Variants in SLCO6A1 observed in about 807,000 individuals in gnomAD.
The protein encoded by SLCO6A1 is cancer/testis antigen 48.
Under a neutral mutation model 72.7 loss-of-function variants are expected in SLCO6A1, and 65 were observed. That is an observed-to-expected ratio of 0.89 (90% confidence interval 0.73 to 1.10). The LOEUF is 1.10. SLCO6A1 is among the 50% of genes least tolerant of loss of function. The probability of loss-of-function intolerance (pLI) is 0.00; values close to 1 mark genes in which losing one functional copy is unlikely to be tolerated. For synonymous variants in SLCO6A1, 314 were observed against 298.2 expected, an observed-to-expected ratio of 1.05 and a Z score of -0.55; for missense variants, 874 against 872.6, an observed-to-expected ratio of 1.00 and a Z score of -0.02.
intron 7 of SLCO6A1, among the ~76,000 whole-genome samples, chr5:102,435,345 T>C (rs1304691172): frequency 1.3e-5 from 2 of 152,138 alleles, no homozygotes; most frequent in East Asian, 3.8e-4. Context: ...TTTCTAAATA[T>C]ATAATTAGTA....
intron 7 of SLCO6A1, among the ~76,000 whole-genome samples, chr5:102,438,154 T>C (rs551903110): frequency 6.6e-6 from 1 of 151,966 alleles, no homozygotes; most frequent in Non-Finnish European, 1.5e-5. Context: ...AATAGTATAC[T>C]CATAAAATAG....
At chr5:102,411,510 C>T (rs1219737782) in intron 9 of SLCO6A1, among the ~76,000 whole-genome samples, 1 of 152,056 alleles carries the variant, frequency 6.6e-6, no homozygotes, top group Non-Finnish European at 1.5e-5. Flanking sequence ...AGTGATCCAC[C>T]CTTTTAGGCC....
rs1748039128 is a variant in SLCO6A1, at chr5:102,412,473, T to C, written c.1626+517A>G. Reference sequence around the variant, plus strand: ...TATTGTGGCAATATAAAACAAATTTTTGCCAGGCACGGTGACTCACATCTA... The same window carrying C: ...TATTGTGGCAATATAAAACAAATTTCTGCCAGGCACGGTGACTCACATCTA... On this transcript the variant is annotated intron_variant, in intron 9 of 13. Coordinates refer to ENST00000506729, the MANE Select transcript of SLCO6A1 (RefSeq NM_173488.5). Among the ~76,000 whole-genome samples, 3 of 152,040 alleles carry C rather than the reference T, an allele frequency of 2.0e-5. No individual in the cohort carries two copies. In the South Asian group the frequency reaches 6.2e-4, roughly 32 times the overall value.
chr5:102,491,694 C>A (rs370485015), intron 1 of SLCO6A1, among the ~76,000 whole-genome samples: 4 of 152,376 alleles, frequency 2.6e-5, no homozygotes, highest in African/African-American at 7.2e-5. Flanking sequence ...CCCGCAAGCG[C>A]GGTGCGCAGC....
At chr5:102,428,197 A>G (rs1353289315) in intron 7 of SLCO6A1, among the ~76,000 whole-genome samples, 1 of 151,982 alleles carries the variant, frequency 6.6e-6, no homozygotes, top group Non-Finnish European at 1.5e-5. Flanking sequence ...TTCTATCTTC[A>G]AGATATCTAA....
At chr5:102,479,722 C>T (rs1752090256) in intron 2 of SLCO6A1, among the ~76,000 whole-genome samples, 1 of 152,118 alleles carries the variant, frequency 6.6e-6, no homozygotes, top group Admixed American at 6.6e-5. Flanking sequence ...AACTCTTCTT[C>T]CCACTCCCTA....
intron 10 of SLCO6A1, among the ~76,000 whole-genome samples, chr5:102,393,604 C>T (rs930519408): frequency 7.9e-5 from 12 of 152,084 alleles, no homozygotes; most frequent in African/African-American, 2.9e-4. Flanking sequence ...TTTAATAGTA[C>T]AATTCAATAT....
intron 4 of SLCO6A1, among the ~76,000 whole-genome samples, chr5:102,473,873 C>T (rs773673712): frequency 3.3e-5 from 5 of 151,828 alleles, no homozygotes; most frequent in East Asian, 1.9e-4. Context: ...GAAAGACTTG[C>T]GCATTGCAAA....
chr5:102,414,497 A>G (rs900935466), intron 8 of SLCO6A1, among the ~76,000 whole-genome samples: 69 of 152,332 alleles, frequency 4.5e-4, no homozygotes, highest in Middle Eastern at 3.4e-3. Context: ...AAAGATGCCA[A>G]TAAAAATCTC....
chr5:102,413,975 G>A (rs1748132445), intron 8 of SLCO6A1, among the ~76,000 whole-genome samples: 1 of 151,952 alleles, frequency 6.6e-6, no homozygotes, highest in Non-Finnish European at 1.5e-5. Flanking sequence ...TATTCTGGAA[G>A]TAATTTTTTT....
chr5:102,418,115 T>C (rs962998268), intron 8 of SLCO6A1, among the ~76,000 whole-genome samples: 2 of 152,098 alleles, frequency 1.3e-5, no homozygotes, highest in African/African-American at 4.8e-5. Context: ...AAAATATTAT[T>C]CCACTGTCTT....
intron 7 of SLCO6A1, among the ~76,000 whole-genome samples, chr5:102,421,937 C>A (rs1748630004): frequency 1.3e-5 from 2 of 152,196 alleles, no homozygotes; most frequent in Admixed American, 1.3e-4. Context: ...AGGCAGCAAT[C>A]TCTGCTGCTC....
chr5:102,458,559 A>G (rs1466035632), intron 5 of SLCO6A1, 68 bp from the exon 6 acceptor site: 24 of 974,770 alleles, frequency 2.5e-5, no homozygotes, highest in Non-Finnish European at 3.4e-5. Context: ...TAAAACCTAC[A>G]TACACACCCT....
At chr5:102,396,832 C>A (rs1284401919) in intron 10 of SLCO6A1, among the ~76,000 whole-genome samples, 1 of 152,158 alleles carries the variant, frequency 6.6e-6, no homozygotes, top group African/African-American at 2.4e-5. Flanking sequence ...GGGTACTCTG[C>A]AGGGTCCTGA....
chr5:102,483,746 C>T (rs996775727), intron 1 of SLCO6A1, among the ~76,000 whole-genome samples: 3 of 152,134 alleles, frequency 2.0e-5, no homozygotes, highest in African/African-American at 4.8e-5. Flanking sequence ...TATAAGAGGA[C>T]TAATTGTTCC....
intron 6 of SLCO6A1, among the ~76,000 whole-genome samples, chr5:102,452,689 G>T (rs760770395): frequency 1.3e-5 from 2 of 152,126 alleles, no homozygotes; most frequent in Non-Finnish European, 2.9e-5. Context: ...CATGGTAAGA[G>T]TAGATAATCC....
At chr5:102,439,603 A>G (rs1166704536) in intron 6 of SLCO6A1, among the ~76,000 whole-genome samples, 1 of 152,254 alleles carries the variant, frequency 6.6e-6, no homozygotes, top group Admixed American at 6.5e-5. Flanking sequence ...ATTCATTCCC[A>G]TAATATTAAA....
At chr5:102,372,670 T>C (rs376006793) in intron 13 of SLCO6A1, among the ~76,000 whole-genome samples, 4 of 147,396 alleles carry the variant, frequency 2.7e-5, no homozygotes, top group African/African-American at 1.0e-4. Flanking sequence ...ATCAATAAAA[T>C]CCAAGTGAAG....
At chr5:102,459,876 AGGGT>A in intron 4 of SLCO6A1, 99 bp from the exon 5 acceptor site, 2 of 1,025,972 alleles carry the variant, frequency 1.9e-6, no homozygotes, top group Non-Finnish European at 2.7e-6. Context: ...TGAGAGAGGG[AGGGT>A]TGGAGAGTGA....
Sources: gnomAD v4.1 joint callset for allele counts (sites outside exome capture counted in the v4.1 genomes callset) on GRCh38, gnomAD v4.1.1 for gene constraint, MANE v1.5 for transcripts, NCBI Gene and HGNC (gene_info 2026-07-23, HGNC 2026-07-21) for gene names.